DLG2: variants seen among roughly 807,000 people sequenced by gnomAD.
DLG2 encodes discs large MAGUK scaffold protein 2.
A neutral mutation model predicts 132.5 loss-of-function variants in DLG2; 45 were observed. The ratio of observed to expected loss-of-function variants is 0.34; its 90% confidence interval spans 0.27 to 0.44. The LOEUF is 0.44. DLG2 is among the 20% of genes least tolerant of loss of function. The pLI is 1.00. For synonymous variants in DLG2, 424 were observed against 419.6 expected (o/e 1.01, Z -0.13); for missense variants, 1,045 against 1,196.9 (o/e 0.87, Z 1.87).
intron 18 of DLG2, among the ~76,000 whole-genome samples, chr11:83,733,240 CA>C (rs71066061): frequency 0.018 from 825 of 46,232 alleles, 3 homozygotes; most frequent in Admixed American, 0.03. Context: ...GACCCCATCT[CA>C]AAAAAAAAAA....
chr11:83,602,405 A>T (rs2058702630), intron 19 of DLG2, among the ~76,000 whole-genome samples: 1 of 152,256 alleles, frequency 6.6e-6, no homozygotes, highest in Admixed American at 6.5e-5. Flanking sequence ...TATTGTGAAA[A>T]TATGAACTTC....
At position 85,285,229 on chromosome 11, in the gene DLG2, T is replaced by C. The variant is rs147704094; in HGVS notation, c.177A>G (p.Lys59=). 3.0e-4 allele frequency: 489 copies of C among 1,611,364 alleles called. No individual in the cohort carries two copies. In the African/African-American group the frequency reaches 5.6e-3, roughly 19 times the overall value. The change falls in exon 4 of 28, where the codon AAA becomes AAG. Residue 59 remains lysine, a synonymous_variant. Coordinates refer to ENST00000376104, the MANE Select transcript of DLG2 (RefSeq NM_001142699.3). ...AGTTTCAGTAGTATACCTCTGAAGATTTTTGAAGTCTGTCATGGCACGGAG... is the reference window on the plus strand; with the variant it reads ...AGTTTCAGTAGTATACCTCTGAAGACTTTTGAAGTCTGTCATGGCACGGAG... ...LLAPCHDRLQ[K]SSELTDCSGS...
chr11:84,901,842 C>T (rs188485010), intron 6 of DLG2, among the ~76,000 whole-genome samples: 3 of 151,832 alleles, frequency 2.0e-5, no homozygotes, highest in African/African-American at 7.3e-5. Context: ...AATTCTATAG[C>T]CATTTCTATT....
intron 8 of DLG2, among the ~76,000 whole-genome samples, chr11:84,206,962 G>T (rs760423422): frequency 3.3e-5 from 5 of 151,710 alleles, no homozygotes; most frequent in Non-Finnish European, 7.4e-5. Context: ...AAAGTTATTT[G>T]CATGTATGTA....
intron 21 of DLG2, among the ~76,000 whole-genome samples, chr11:83,518,260 TG>T (rs967178301): frequency 6.6e-6 from 1 of 152,226 alleles, no homozygotes; most frequent in Admixed American, 6.5e-5. Flanking sequence ...CCTTGCAGTT[TG>T]ATCTCAGACT....
intron 7 of DLG2, among the ~76,000 whole-genome samples, chr11:84,394,407 CA>C (rs2098803990): frequency 6.6e-6 from 1 of 150,952 alleles, no homozygotes; most frequent in Non-Finnish European, 1.5e-5. Context: ...TATAGCATGA[CA>C]GTTATTTTCT....
chr11:83,569,992 ATGAGCTAAGCTTATCTGCCTTGTC>A (rs2096771808), intron 19 of DLG2, among the ~76,000 whole-genome samples: 2 of 152,338 alleles, frequency 1.3e-5, no homozygotes, highest in Admixed American at 6.5e-5. Context: ...AAAAGAGAGA[ATGAGCTAAGCTTATCTGCCTTGTC>A]TGTAAAAAAG....
chr11:83,983,071 A>C (rs1373260266), intron 11 of DLG2, among the ~76,000 whole-genome samples: 1 of 152,126 alleles, frequency 6.6e-6, no homozygotes, highest in Non-Finnish European at 1.5e-5. Context: ...TATTTCTCAG[A>C]ATGCATGCCC....
chr11:84,948,104 T>G (rs541698500), intron 6 of DLG2, among the ~76,000 whole-genome samples: 1 of 152,216 alleles, frequency 6.6e-6, no homozygotes, highest in Admixed American at 6.5e-5. Flanking sequence ...AGATAGGATT[T>G]TAAGAGGTGT....
intron 2 of DLG2, among the ~76,000 whole-genome samples, chr11:85,621,731 GC>G (rs1321714003): frequency 1.3e-5 from 2 of 152,226 alleles, no homozygotes; most frequent in East Asian, 3.8e-4. Context: ...ATGAGGAGTT[GC>G]TTCTTATGGA....
chr11:83,495,018 G>A (rs1399721096), intron 21 of DLG2, among the ~76,000 whole-genome samples: 1 of 152,084 alleles, frequency 6.6e-6, no homozygotes, highest in African/African-American at 2.4e-5. Flanking sequence ...GGCAAACACA[G>A]CTACCACTGA....
At chr11:85,068,505 T>C (rs1345696202) in intron 6 of DLG2, among the ~76,000 whole-genome samples, 1 of 151,930 alleles carries the variant, frequency 6.6e-6, no homozygotes, top group African/African-American at 2.4e-5. Context: ...TATACACCAA[T>C]AGCAGACAAA....
chr11:84,902,286 T>C (rs2090982908), intron 6 of DLG2, among the ~76,000 whole-genome samples: 2 of 152,144 alleles, frequency 1.3e-5, no homozygotes. Flanking sequence ...GGCTCTTGTT[T>C]AGTCTTACAA....
In DLG2 at chr11:83,460,065, A is replaced by C. The variant is rs186056025; in HGVS notation, c.2822-141T>G. 1.2e-3 allele frequency: 680 copies of C among 560,038 alleles called. 1 individual carries two copies. Among genetic ancestry groups the C allele is most frequent in the African/African-American group, 1.8e-3 (96 of 53,502 alleles). The allele number at this position is 560,038 out of a possible 1,614,324, so 34.7% of individuals were successfully genotyped here. On this transcript the variant is annotated intron_variant, in intron 27 of 27. Coordinates refer to ENST00000376104, the MANE Select transcript of DLG2 (RefSeq NM_001142699.3). ...CATATCATTTTTCATTAGTAAGAAG[A>C]AGCAGAAAATTCATATAAGCAAAGT...
chr11:84,056,571 T>C (rs2096504130), intron 11 of DLG2, among the ~76,000 whole-genome samples: 1 of 152,140 alleles, frequency 6.6e-6, no homozygotes, highest in South Asian at 2.1e-4. Context: ...CATAAGAGTT[T>C]CCACTGTATG....
chr11:84,435,841 A>G (rs983017784), intron 7 of DLG2, among the ~76,000 whole-genome samples: 2 of 152,098 alleles, frequency 1.3e-5, no homozygotes, highest in Non-Finnish European at 2.9e-5. Flanking sequence ...GCTTGAAATA[A>G]GTGCTTCTGG....
At chr11:84,307,673 G>T (rs1488311897) in intron 7 of DLG2, among the ~76,000 whole-genome samples, 20 of 128,800 alleles carry the variant, frequency 1.6e-4, no homozygotes, top group Non-Finnish European at 3.4e-4. Flanking sequence ...TCCGGCCTGG[G>T]TGAAAGAGCG....
chr11:83,786,140 T>C (rs768114438), intron 18 of DLG2, among the ~76,000 whole-genome samples: 1 of 152,210 alleles, frequency 6.6e-6, no homozygotes, highest in Non-Finnish European at 1.5e-5. Flanking sequence ...GGATATCTCA[T>C]CAAGTTTAAG....
At chr11:85,146,445 G>A (rs2076864370) in intron 5 of DLG2, among the ~76,000 whole-genome samples, 1 of 152,154 alleles carries the variant, frequency 6.6e-6, no homozygotes, top group South Asian at 2.1e-4. Flanking sequence ...TAGTCATCAG[G>A]TGGCATATTT....
Sources: allele counts gnomAD v4.1 joint callset (sites outside exome capture counted in the v4.1 genomes callset), GRCh38; gene constraint gnomAD v4.1.1; transcripts MANE v1.5; gene names NCBI Gene and HGNC (gene_info 2026-07-23, HGNC 2026-07-21).